ANKH: variants seen among roughly 807,000 people sequenced by gnomAD.
ANKH encodes mineralization regulator ANKH.
ANKH carries 15 observed loss-of-function variants against 49.0 expected under a neutral mutation model. The ratio of observed to expected loss-of-function variants is 0.31; its 90% CI spans 0.20 to 0.47. The LOEUF (loss-of-function observed/expected upper bound fraction) is 0.47. Ranked by LOEUF, ANKH falls within the 20% of genes least tolerant of loss-of-function variation. The probability of loss-of-function intolerance (pLI) is 1.00; values close to 1 mark genes in which losing one functional copy is unlikely to be tolerated. For missense variants in ANKH, 429 were observed against 652.0 expected (o/e 0.66, Z 3.72); for synonymous variants, 273 against 260.0 (o/e 1.05, Z -0.48).
At chr5:14,849,612 AG>A (rs1237135608) in intron 1 of ANKH, among the ~76,000 whole-genome samples, 1 of 152,214 alleles carries the variant, frequency 6.6e-6, no homozygotes, top group Non-Finnish European at 1.5e-5. Context: ...GTTTGGCCAC[AG>A]CCCACTCTGA....
At chr5:14,720,071 T>C (rs1452924517) in intron 8 of ANKH, among the ~76,000 whole-genome samples, 2 of 152,182 alleles carry the variant, frequency 1.3e-5, no homozygotes, top group Non-Finnish European at 2.9e-5. Flanking sequence ...TTTCATGGAA[T>C]TAGCCAAGCT....
chr5:14,871,466 A>T lies in ANKH; in HGVS notation c.-19T>A, dbSNP rs376854122. On this transcript the variant is annotated 5_prime_UTR_variant, in exon 1 of 12. Coordinates refer to ENST00000284268, the MANE Select transcript of ANKH (RefSeq NM_054027.6). ...TCACCATAGTCCCCGCCGTGGGCTGACCCCACACACATCTGCTGCCGCGAG... is the reference window on the plus strand; with the variant it reads ...TCACCATAGTCCCCGCCGTGGGCTGTCCCCACACACATCTGCTGCCGCGAG... 1.2e-6 allele frequency: 2 copies of T among 1,600,792 alleles called. No individual in the cohort carries two copies. Among genetic ancestry groups the T allele is most frequent in the Non-Finnish European group, 1.7e-6 (2 of 1,170,548 alleles).
At chr5:14,726,114 C>A (rs1340861885) in intron 8 of ANKH, among the ~76,000 whole-genome samples, 1 of 152,108 alleles carries the variant, frequency 6.6e-6, no homozygotes, top group Non-Finnish European at 1.5e-5. Context: ...TCTTGGGAAA[C>A]CATGTCCCAC....
At position 14,713,474 on chromosome 5, in the gene ANKH, C is replaced by T; in HGVS notation, c.1265+70G>A. On this transcript the variant is annotated intron_variant, in intron 10 of 11. Transcript: ENST00000284268. This position sits in a 1 kb window ranked among gnomAD's most constrained non-coding sequence, Gnocchi z 4.4. Reference sequence around the variant, plus strand: ...CTGGGGATTTCCCCTGAAAATGTAGCTGTTAAACCTCTGGACACAGTATTG... The same window carrying T: ...CTGGGGATTTCCCCTGAAAATGTAGTTGTTAAACCTCTGGACACAGTATTG... 6.3e-7 allele frequency: 1 copy of T among 1,592,160 alleles called. No individual in the cohort carries two copies. Among genetic ancestry groups the T allele is most frequent in the African/African-American group, 1.3e-5 (1 of 74,438 alleles).
chr5:14,723,094 G>GA (rs1561024735), intron 8 of ANKH, among the ~76,000 whole-genome samples: 1 of 152,104 alleles, frequency 6.6e-6, no homozygotes, highest in Non-Finnish European at 1.5e-5. Flanking sequence ...AACTCTCAGA[G>GA]ACCAGAGGAG....
Position 14,749,368 on chromosome 5 carries a change from T to G in ANKH, c.688-62A>C, listed in dbSNP as rs1054243460. 2.8e-5 allele frequency: 44 copies of G among 1,580,092 alleles called. 1 individual carries two copies. The highest frequency in any genetic ancestry group is 3.0e-5 in the Non-Finnish European group (35 of 1,150,736). ...CTAGAAGCAGAATGGAAAAAACGATTCAGAATCAAAGCTTTTCCTTCGTAT... is the reference window on the plus strand; with the variant it reads ...CTAGAAGCAGAATGGAAAAAACGATGCAGAATCAAAGCTTTTCCTTCGTAT... On this transcript the variant is annotated intron_variant, in intron 5 of 11. Coordinates refer to ENST00000284268, the MANE Select transcript of ANKH (RefSeq NM_054027.6).
chr5:14,787,379 AATATAAAAT>A (rs1740013580), intron 1 of ANKH, among the ~76,000 whole-genome samples: 1 of 152,200 alleles, frequency 6.6e-6, no homozygotes, highest in Non-Finnish European at 1.5e-5. Flanking sequence ...CAAGTCAAGC[AATATAAAAT>A]ATTCTCATTC....
chr5:14,823,061 T>G (rs1373333761), intron 1 of ANKH, among the ~76,000 whole-genome samples: 1 of 152,096 alleles, frequency 6.6e-6, no homozygotes. Flanking sequence ...TGTAATTAAT[T>G]TAAGGTTATC....
intron 2 of ANKH, among the ~76,000 whole-genome samples, chr5:14,765,699 T>C (rs1192941356): frequency 6.6e-6 from 1 of 152,230 alleles, no homozygotes; most frequent in Admixed American, 6.5e-5. Flanking sequence ...TTTCCTTTAT[T>C]GGGGCAAACC....
chr5:14,712,160 G>T (rs1737240089), intron 11 of ANKH, among the ~76,000 whole-genome samples: 1 of 152,188 alleles, frequency 6.6e-6, no homozygotes, highest in Non-Finnish European at 1.5e-5. Context: ...CCCCTCAGCT[G>T]CCATGGCTGG....
chr5:14,838,671 G>A (rs1741731348), intron 1 of ANKH, among the ~76,000 whole-genome samples: 1 of 152,166 alleles, frequency 6.6e-6, no homozygotes, highest in Non-Finnish European at 1.5e-5. Context: ...AGTCCTGAGG[G>A]GAGCTTTGCT....
intron 1 of ANKH, among the ~76,000 whole-genome samples, chr5:14,800,501 C>T (rs1368931579): frequency 6.6e-6 from 1 of 152,146 alleles, no homozygotes; most frequent in East Asian, 1.9e-4. Flanking sequence ...ATTGCTACAA[C>T]CTGCCCAACC....
chr5:14,723,008 A>G (rs187200832), intron 8 of ANKH, among the ~76,000 whole-genome samples: 1 of 152,210 alleles, frequency 6.6e-6, no homozygotes, highest in Admixed American at 6.5e-5. Flanking sequence ...ACAAACGCAC[A>G]TTGAGGGACC....
chr5:14,722,057 C>T (rs1243102115), intron 8 of ANKH, among the ~76,000 whole-genome samples: 1 of 151,058 alleles, frequency 6.6e-6, no homozygotes, highest in Admixed American at 6.6e-5. Context: ...AATCAGACTA[C>T]ATTTAACAAG....
At chr5:14,738,396 A>G (rs1239590393) in intron 8 of ANKH, among the ~76,000 whole-genome samples, 1 of 152,176 alleles carries the variant, frequency 6.6e-6, no homozygotes, top group African/African-American at 2.4e-5. Flanking sequence ...TGTCTACAGG[A>G]TCCTGGGGGT....
In ANKH at chr5:14,707,835, A is replaced by C. The variant is rs953430581; in HGVS notation, c.*3362T>G. ...CCAAGCCAAACTACCAGCTAATGCT[A>C]AAAATCAAGGCAAAGTAAAAACAAA... On this transcript the variant is annotated 3_prime_UTR_variant, in exon 12 of 12. Coordinates refer to ENST00000284268, the MANE Select transcript of ANKH (RefSeq NM_054027.6). 12 of 152,244 alleles carry C rather than the reference A, an allele frequency of 7.9e-5. No homozygotes were observed. The highest frequency in any genetic ancestry group is 2.9e-4 in the African/African-American group (12 of 41,460). The allele number at this position is 152,244 out of a possible 1,614,324, so 9.4% of individuals were successfully genotyped here.
chr5:14,857,657 A>G (rs1238767423), intron 1 of ANKH, among the ~76,000 whole-genome samples: 2 of 152,174 alleles, frequency 1.3e-5, no homozygotes, highest in East Asian at 1.9e-4. Context: ...CCATCTCAAA[A>G]AAAAGAAAAA....
chr5:14,806,573 G>C (rs1740715924), intron 1 of ANKH, among the ~76,000 whole-genome samples: 1 of 152,168 alleles, frequency 6.6e-6, no homozygotes, highest in Non-Finnish European at 1.5e-5. Context: ...AGCTGTGGCA[G>C]GAGGTCACGC....
In ANKH at chr5:14,706,495, A is replaced by G. The variant is rs555534754; in HGVS notation, c.*4702T>C. 1 of 152,358 alleles carries G rather than the reference A, an allele frequency of 6.6e-6. No homozygotes were observed. The highest frequency in any genetic ancestry group is 2.1e-4 in the South Asian group (1 of 4,828). The allele number at this position is 152,358 out of a possible 1,614,324, so 9.4% of individuals were successfully genotyped here. A position where few individuals can be genotyped will look rare whatever the true frequency, so the allele number is the denominator to read the frequency against. On this transcript the variant is annotated 3_prime_UTR_variant, in exon 12 of 12. Transcript: ENST00000284268. ...TTTAATGTCCACTCTTGAGAAGAAA[A>G]TAAAGTCTAAACTTAAGGTCTTATC...
Sources: allele counts gnomAD v4.1 joint callset (sites outside exome capture counted in the v4.1 genomes callset), GRCh38; gene constraint gnomAD v4.1.1; non-coding constraint Gnocchi (gnomAD v3.1); transcripts MANE v1.5; gene names NCBI Gene and HGNC (gene_info 2026-07-23, HGNC 2026-07-21).